The following PEBP4 variants were observed in gnomAD, a reference collection of about 807,000 sequenced individuals.
PEBP4 encodes the protein phosphatidylethanolamine-binding protein 4.
PEBP4 carries 22 observed loss-of-function variants against 23.9 expected under a neutral mutation model. The ratio of observed to expected loss-of-function variants is 0.92; its 90% CI spans 0.66 to 1.31. PEBP4 has a LOEUF of 1.31. Among genes scored for constraint, PEBP4 ranks in the 40% most tolerant of loss-of-function variants. PEBP4 has a pLI of 0.00. For synonymous variants in PEBP4, 112 were observed against 99.3 expected (o/e 1.13, Z -0.76); for missense variants, 324 against 281.7 (o/e 1.15, Z -1.07).
chr8:22,731,615 T>TTTTATTTATTTA (rs756455154), intron 4 of PEBP4, among the ~76,000 whole-genome samples: 6 of 147,630 alleles, frequency 4.1e-5, no homozygotes, highest in East Asian at 1.9e-4. Context: ...GCCCTCATTG[T>TTTTATTTATTTA]TTTATTTATT....
At chr8:22,940,574 C>T (rs1453905408) in intron 1 of PEBP4, among the ~76,000 whole-genome samples, 1 of 149,600 alleles carries the variant, frequency 6.7e-6, no homozygotes, top group Non-Finnish European at 1.5e-5. Context: ...CAGCAAGCTC[C>T]ACCTCCCGGG....
At chr8:22,893,958 C>A (rs1325286892) in intron 3 of PEBP4, among the ~76,000 whole-genome samples, 2 of 152,042 alleles carry the variant, frequency 1.3e-5, no homozygotes, top group African/African-American at 4.8e-5. Flanking sequence ...AGAAGCCCAA[C>A]CAAAGAAATG....
chr8:22,807,672 C>T (rs1028386337), intron 4 of PEBP4, among the ~76,000 whole-genome samples: 7 of 152,120 alleles, frequency 4.6e-5, no homozygotes, highest in African/African-American at 1.4e-4. Context: ...TCCTGAAATG[C>T]AATTGCTTGT....
intron 3 of PEBP4, among the ~76,000 whole-genome samples, chr8:22,909,229 A>C (rs1042033117): frequency 6.6e-6 from 1 of 152,122 alleles, no homozygotes; most frequent in Non-Finnish European, 1.5e-5. Context: ...CCTACCCGCC[A>C]GCGAGGCCTG....
intron 4 of PEBP4, among the ~76,000 whole-genome samples, chr8:22,761,487 C>T (rs982640944): frequency 6.6e-6 from 1 of 152,280 alleles, no homozygotes; most frequent in East Asian, 1.9e-4. Context: ...TCTGGCCTGT[C>T]GGAGCCCCTT....
chr8:22,799,575 T>C (rs1806338149), intron 4 of PEBP4, among the ~76,000 whole-genome samples: 1 of 152,240 alleles, frequency 6.6e-6, no homozygotes. Flanking sequence ...TTATTATACT[T>C]TAAGTTCTAG....
At chr8:22,781,396 A>G (rs564441051) in intron 4 of PEBP4, among the ~76,000 whole-genome samples, 50 of 152,222 alleles carry the variant, frequency 3.3e-4, no homozygotes, top group African/African-American at 1.1e-3. Context: ...GCTTTTCCCC[A>G]CACTTCCTCA....
intron 5 of PEBP4, among the ~76,000 whole-genome samples, 154 bp from the exon 6 acceptor site, chr8:22,725,110 G>C (rs888239847): frequency 1.3e-5 from 2 of 152,046 alleles, no homozygotes; most frequent in African/African-American, 2.4e-5. Flanking sequence ...CGGGATCTCA[G>C]CTTCAGTATT....
At chr8:22,735,851 A>G (rs933161536) in intron 4 of PEBP4, among the ~76,000 whole-genome samples, 4 of 152,262 alleles carry the variant, frequency 2.6e-5, no homozygotes, top group African/African-American at 4.8e-5. Flanking sequence ...TCCCTTTTAC[A>G]AACAGTAATT....
At position 22,742,295 on chromosome 8, in the gene PEBP4, T is replaced by G. The variant is rs754994152; in HGVS notation, c.358-15075A>C. Among the ~76,000 whole-genome samples, 47 of 152,250 alleles carry G rather than the reference T, an allele frequency of 3.1e-4. 1 individual carries two copies. Among genetic ancestry groups the G allele is most frequent in the Non-Finnish European group, 5.0e-4 (34 of 68,040 alleles). On this transcript the variant is annotated intron_variant, in intron 4 of 6. Transcript: ENST00000256404. ...CTGCCAGCTCTTGCGCCCCTGGTCCTTGCTGTGGGGTCTGGCTACGCTCCA... is the reference window on the plus strand; with the variant it reads ...CTGCCAGCTCTTGCGCCCCTGGTCCGTGCTGTGGGGTCTGGCTACGCTCCA...
chr8:22,852,677 GA>G lies in PEBP4; in HGVS notation c.259-34943del, dbSNP rs112752826. ...GGCCGTGCAAAGTCCTCACTAAAAAGAAAAAAAAAATAAGAAAGAAAGAAAA... is the reference window on the plus strand; with the variant it reads ...GGCCGTGCAAAGTCCTCACTAAAAAGAAAAAAAAATAAGAAAGAAAGAAAA... On this transcript the variant is annotated intron_variant, in intron 3 of 6. Coordinates refer to ENST00000256404, the MANE Select transcript of PEBP4 (RefSeq NM_144962.3). Among the ~76,000 whole-genome samples, 331 of 143,892 alleles carry G rather than the reference GA, an allele frequency of 2.3e-3. 1 individual carries two copies. The highest frequency in any genetic ancestry group is 4.8e-3 in the African/African-American group (189 of 38,998). The allele number at this position is 143,892 out of a possible 152,430, so 94.4% of individuals were successfully genotyped here.
At chr8:22,802,263 G>A (rs906391811) in intron 4 of PEBP4, among the ~76,000 whole-genome samples, 2 of 152,158 alleles carry the variant, frequency 1.3e-5, no homozygotes, top group African/African-American at 2.4e-5. Flanking sequence ...TGGTCTTTCT[G>A]GGTGGAGGTT....
intron 6 of PEBP4, among the ~76,000 whole-genome samples, chr8:22,715,159 CA>C (rs1268679763): frequency 2.6e-5 from 4 of 152,158 alleles, no homozygotes; most frequent in Non-Finnish European, 5.9e-5. Flanking sequence ...AGATGGGGCC[CA>C]GGGGGGCTGG....
intron 4 of PEBP4, among the ~76,000 whole-genome samples, chr8:22,750,255 C>A (rs1016283477): frequency 2.0e-5 from 3 of 152,016 alleles, no homozygotes; most frequent in Admixed American, 1.3e-4. Flanking sequence ...GTGCCTGCCA[C>A]CACGCCCAGC....
At chr8:22,905,279 T>TC (rs1403848516) in intron 3 of PEBP4, among the ~76,000 whole-genome samples, 6 of 151,722 alleles carry the variant, frequency 4.0e-5, no homozygotes, top group Non-Finnish European at 7.4e-5. Flanking sequence ...AACATCCTTT[T>TC]TTTTTAAAAA....
At chr8:22,914,728 T>C (rs565051529) in intron 3 of PEBP4, among the ~76,000 whole-genome samples, 1 of 152,248 alleles carries the variant, frequency 6.6e-6, no homozygotes, top group African/African-American at 2.4e-5. Context: ...TGGAGTCAGA[T>C]GGCAGACCTG....
intron 3 of PEBP4, among the ~76,000 whole-genome samples, chr8:22,842,658 G>A (rs1807352605): frequency 1.3e-5 from 2 of 152,122 alleles, no homozygotes; most frequent in Admixed American, 1.3e-4. Flanking sequence ...CACAGCCATA[G>A]GAAGGGTGTG....
At chr8:22,763,385 C>T (rs1320792373) in intron 4 of PEBP4, among the ~76,000 whole-genome samples, 1 of 152,214 alleles carries the variant, frequency 6.6e-6, no homozygotes, top group Non-Finnish European at 1.5e-5. Context: ...TCATTCTTGG[C>T]TCTGGACACT....
At chr8:22,740,025 C>G (rs1804956216) in intron 4 of PEBP4, among the ~76,000 whole-genome samples, 2 of 152,170 alleles carry the variant, frequency 1.3e-5, no homozygotes, top group African/African-American at 4.8e-5. Context: ...CCCTCCTTTG[C>G]CCTATTTTAG....
Sources: allele counts gnomAD v4.1 joint callset (sites outside exome capture counted in the v4.1 genomes callset), GRCh38; gene constraint gnomAD v4.1.1; transcripts MANE v1.5; gene names NCBI Gene and HGNC (gene_info 2026-07-23, HGNC 2026-07-21).